Variants in SDK1 observed in about 807,000 individuals in gnomAD.
SDK1 encodes sidekick cell adhesion molecule 1.
SDK1 carries 157 observed loss-of-function variants against 245.5 expected under a neutral mutation model. The observed-to-expected ratio is 0.64, with a 90% CI of 0.56 to 0.73. SDK1 has a LOEUF of 0.73. Ranked by LOEUF, SDK1 falls within the 30% of genes least tolerant of loss-of-function variation. SDK1 has a pLI of 0.00. For synonymous variants in SDK1, 1,647 were observed against 1,278.5 expected (o/e 1.29, Z -6.15); for missense variants, 3,583 against 3,002.3 (o/e 1.19, Z -4.52).
intron 22 of SDK1, among the ~76,000 whole-genome samples, chr7:4,102,842 C>T (rs909257173): frequency 6.6e-6 from 1 of 151,958 alleles, no homozygotes; most frequent in African/African-American, 2.4e-5. Context: ...AGACAGACAG[C>T]TCCCCTAATG....
intron 4 of SDK1, among the ~76,000 whole-genome samples, chr7:3,680,804 T>C (rs753640099): frequency 6.6e-6 from 1 of 152,310 alleles, no homozygotes; most frequent in East Asian, 1.9e-4. Flanking sequence ...TCCTGACTTA[T>C]GCGTTAGCCA....
intron 12 of SDK1, among the ~76,000 whole-genome samples, chr7:3,973,210 C>T (rs921142669): frequency 6.6e-6 from 1 of 152,186 alleles, no homozygotes; most frequent in Admixed American, 6.5e-5. Context: ...GATGCCCCGG[C>T]GTGAGCAGTC....
intron 17 of SDK1, among the ~76,000 whole-genome samples, chr7:4,027,860 G>T (rs1490840238): frequency 6.6e-6 from 1 of 152,086 alleles, no homozygotes; most frequent in Non-Finnish European, 1.5e-5. Context: ...GTAGAGGAGA[G>T]GAGAAGGGGG....
chr7:3,998,349 G>A (rs777234932), intron 14 of SDK1, among the ~76,000 whole-genome samples: 21 of 152,342 alleles, frequency 1.4e-4, no homozygotes, highest in Non-Finnish European at 2.5e-4. Context: ...TCATCAAAAG[G>A]AACATGATAC....
intron 32 of SDK1, among the ~76,000 whole-genome samples, chr7:4,171,236 T>C (rs929123272): frequency 3.3e-5 from 5 of 152,234 alleles, no homozygotes; most frequent in African/African-American, 1.2e-4. Context: ...TGCCGCCGCC[T>C]CGGGTACACC....
chr7:4,221,495 T>G (rs1455249528), intron 40 of SDK1, 131 bp downstream of exon 40: 4 of 1,187,030 alleles, frequency 3.4e-6, no homozygotes, highest in Non-Finnish European at 4.6e-6. Context: ...AGAGGGCGGT[T>G]TTGGTGAAAG....
intron 1 of SDK1, among the ~76,000 whole-genome samples, chr7:3,556,392 C>G (rs928386776): frequency 1.3e-4 from 19 of 151,666 alleles, no homozygotes; most frequent in African/African-American, 4.6e-4. Context: ...AGAATGGTTC[C>G]CTGAGGCTGG....
At position 3,391,915 on chromosome 7, in the gene SDK1, C is replaced by T. The variant is rs111441139; in HGVS notation, c.298+90031C>T. 2.7e-4 allele frequency among the ~76,000 whole-genome samples: 40 copies of T among 150,892 alleles called. 1 individual carries two copies. The highest frequency in any genetic ancestry group is 6.6e-4 in the African/African-American group (27 of 40,902). ...AAGTGATGGGATCACAGGTGTCAAC[C>T]GCCATGTTTGGCCAACAACTGAAAT... On this transcript the variant is annotated intron_variant, in intron 1 of 44. Coordinates refer to ENST00000404826, the MANE Select transcript of SDK1 (RefSeq NM_152744.4).
chr7:3,402,892 A>G (rs1778926979), intron 1 of SDK1, among the ~76,000 whole-genome samples: 1 of 152,154 alleles, frequency 6.6e-6, no homozygotes, highest in African/African-American at 2.4e-5. Flanking sequence ...AGATTTAATT[A>G]TGCAAACTTT....
intron 22 of SDK1, among the ~76,000 whole-genome samples, chr7:4,108,738 C>T (rs538465059): frequency 6.7e-4 from 102 of 152,220 alleles, no homozygotes; most frequent in Non-Finnish European, 1.2e-3. Flanking sequence ...TTAGTAGATT[C>T]CCAGTGCTGT....
intron 5 of SDK1, among the ~76,000 whole-genome samples, chr7:3,935,815 T>G (rs1780140105): frequency 6.6e-6 from 1 of 152,256 alleles, no homozygotes; most frequent in Admixed American, 6.5e-5. Context: ...CGAAGTAGCC[T>G]TTGGAAAACA....
chr7:3,330,108 C>T (rs1393589687), intron 1 of SDK1, among the ~76,000 whole-genome samples: 1 of 151,944 alleles, frequency 6.6e-6, no homozygotes, highest in Non-Finnish European at 1.5e-5. Flanking sequence ...AGTTGATTAA[C>T]AGATATTTGG....
At chr7:3,484,153 C>G (rs541867301) in intron 1 of SDK1, among the ~76,000 whole-genome samples, 3 of 152,140 alleles carry the variant, frequency 2.0e-5, no homozygotes, top group Non-Finnish European at 4.4e-5. Flanking sequence ...TAACCAAAAT[C>G]GAAGCATGCT....
At chr7:3,554,294 C>G (rs1779515277) in intron 1 of SDK1, among the ~76,000 whole-genome samples, 1 of 152,024 alleles carries the variant, frequency 6.6e-6, no homozygotes, top group African/African-American at 2.4e-5. Flanking sequence ...AACAGAAAGA[C>G]AACAGGAAAA....
chr7:4,151,421 A>G (rs1362493785), intron 30 of SDK1, among the ~76,000 whole-genome samples: 1 of 152,184 alleles, frequency 6.6e-6, no homozygotes, highest in Non-Finnish European at 1.5e-5. Context: ...CCCCTCTTAC[A>G]GGGCACAACA....
intron 1 of SDK1, among the ~76,000 whole-genome samples, chr7:3,602,599 G>T (rs1158671334): frequency 6.6e-6 from 1 of 151,634 alleles, no homozygotes; most frequent in African/African-American, 2.4e-5. Context: ...TGAGTAGGTT[G>T]CAAAAATTTT....
chr7:4,264,648 C>A (rs996196473), intron 44 of SDK1, among the ~76,000 whole-genome samples: 1 of 150,830 alleles, frequency 6.6e-6, no homozygotes. Flanking sequence ...GTAAGGAAGG[C>A]CGTGTAGACC....
intron 5 of SDK1, among the ~76,000 whole-genome samples, chr7:3,928,578 G>A (rs760536086): frequency 5.3e-5 from 8 of 151,508 alleles, no homozygotes; most frequent in Non-Finnish European, 8.8e-5. Context: ...GTAGGCAGAC[G>A]CCACATTTCC....
At chr7:3,394,546 T>G (rs918494997) in intron 1 of SDK1, among the ~76,000 whole-genome samples, 18 of 152,096 alleles carry the variant, frequency 1.2e-4, no homozygotes, top group African/African-American at 4.3e-4. Context: ...GCTTATCAAT[T>G]TCTGTGGGAA....
Sources: gnomAD v4.1 joint callset for allele counts (sites outside exome capture counted in the v4.1 genomes callset) on GRCh38, gnomAD v4.1.1 for gene constraint, MANE v1.5 for transcripts, NCBI Gene and HGNC (gene_info 2026-07-23, HGNC 2026-07-21) for gene names.